Variants in UPK1B observed in about 807,000 individuals in gnomAD.
UPK1B encodes the protein uroplakin 1B.
A neutral mutation model predicts 34.2 loss-of-function variants in UPK1B; 28 were observed. The ratio of observed to expected loss-of-function variants is 0.82; its 90% CI spans 0.61 to 1.12. The LOEUF is 1.12. UPK1B is among the 50% of genes most tolerant of loss of function. UPK1B has a pLI of 0.00. For missense variants in UPK1B, 325 were observed against 320.9 expected (o/e 1.01, Z -0.10); for synonymous variants, 81 against 110.4 (o/e 0.73, Z 1.67).
intron 1 of UPK1B, among the ~76,000 whole-genome samples, chr3:119,185,729 G>A (rs574274653): frequency 6.6e-6 from 1 of 152,260 alleles, no homozygotes; most frequent in East Asian, 1.9e-4. Context: ...TTTACAGCAG[G>A]AATGCATGAA....
chr3:119,179,830 TTTTTTTTTTTTTG>T (rs2077981057), intron 1 of UPK1B, among the ~76,000 whole-genome samples: 4 of 118,562 alleles, frequency 3.4e-5, no homozygotes, highest in South Asian at 3.1e-4. Context: ...TTTTTTTTTT[TTTTTTTTTTTTTG>T]AGACGAGTGC....
At chr3:119,181,354 C>G (rs1055141100) in intron 1 of UPK1B, among the ~76,000 whole-genome samples, 6 of 152,156 alleles carry the variant, frequency 3.9e-5, no homozygotes, top group African/African-American at 1.4e-4. Context: ...GGTACCTTCA[C>G]CAACCACTGG....
At chr3:119,194,127 G>C (rs772149641) in intron 5 of UPK1B, 92 bp from the exon 6 acceptor site, 4 of 1,256,500 alleles carry the variant, frequency 3.2e-6, no homozygotes, top group East Asian at 2.5e-5. Context: ...TACACTTTCC[G>C]TATCTTCTTT....
intron 1 of UPK1B, among the ~76,000 whole-genome samples, chr3:119,179,257 G>T (rs563855277): frequency 6.7e-6 from 1 of 149,500 alleles, no homozygotes; most frequent in Non-Finnish European, 1.5e-5. Flanking sequence ...AGCCTAGGAA[G>T]TCAAGGCTGC....
At chr3:119,175,835 C>G (rs975783411) in intron 1 of UPK1B, among the ~76,000 whole-genome samples, 8 of 152,170 alleles carry the variant, frequency 5.3e-5, no homozygotes, top group Non-Finnish European at 1.2e-4. Context: ...CTGATTTTTA[C>G]TTTTATTTAA....
rs1280707591 is a variant in UPK1B at position 119,187,757 on chromosome 3, C to T, written c.70-18C>T. The T allele has an allele frequency of 6.2e-7, 1 of 1,612,916 alleles. No individual in the cohort carries two copies. The highest frequency in any genetic ancestry group is 2.2e-5 in the East Asian group (1 of 44,874). ...AAAGCTGCACTCCTGATGGAGCCCA[C>T]CTTTCATTTGCCCCCAGTGTTGCGG... is the stretch of plus-strand genomic sequence containing the variant. On this transcript the variant is annotated intron_variant, in intron 2 of 7. Coordinates refer to ENST00000264234, the MANE Select transcript of UPK1B (RefSeq NM_006952.4).
chr3:119,194,248 AG>A lies in UPK1B; in HGVS notation c.499del (p.Asp167ThrfsTer27), dbSNP rs1559903325. 1 of 1,614,046 alleles carries A rather than the reference AG, an allele frequency of 6.2e-7. No individual in the cohort carries two copies. On this transcript the variant is annotated frameshift_variant, in exon 6 of 8. Transcript: ENST00000264234. LOFTEE classifies it high-confidence loss of function. ...ATTGCTGTGGCGTAAATGGTCCATC[AG>A]ACTGGCAAAAATACACATCTGCCTT... ...DNCCGVNGPS[D>X]WQKYTSAFRT...
At chr3:119,178,848 C>T (rs2077971542) in intron 1 of UPK1B, among the ~76,000 whole-genome samples, 1 of 152,092 alleles carries the variant, frequency 6.6e-6, no homozygotes, top group South Asian at 2.1e-4. Flanking sequence ...CATGGAAGCA[C>T]TGTATGGAAT....
intron 1 of UPK1B, among the ~76,000 whole-genome samples, chr3:119,178,199 C>A (rs1307522082): frequency 1.3e-5 from 2 of 152,200 alleles, no homozygotes; most frequent in African/African-American, 4.8e-5. Context: ...GGTGGTCCAA[C>A]CACTCCTCCA....
intron 2 of UPK1B, among the ~76,000 whole-genome samples, 195 bp downstream of exon 2, chr3:119,187,005 T>C (rs554988637): frequency 3.3e-5 from 5 of 152,222 alleles, no homozygotes; most frequent in Non-Finnish European, 7.3e-5. Flanking sequence ...GTTGAAAAAG[T>C]AGATATTTTC....
chr3:119,188,861 G>A (rs892962180), intron 3 of UPK1B, among the ~76,000 whole-genome samples: 3 of 152,170 alleles, frequency 2.0e-5, no homozygotes, highest in African/African-American at 7.2e-5. Flanking sequence ...GCAATGTAAG[G>A]TGCTTGTTAG....
chr3:119,186,911 TG>T, intron 2 of UPK1B, 101 bp downstream of exon 2: 1 of 1,216,126 alleles, frequency 8.2e-7, no homozygotes, highest in Non-Finnish European at 1.2e-6. Context: ...CTGTGATTAC[TG>T]GCTTCCTATA....
At chr3:119,191,372 T>C (rs2078043495) in intron 5 of UPK1B, among the ~76,000 whole-genome samples, 1 of 152,202 alleles carries the variant, frequency 6.6e-6, no homozygotes, top group Non-Finnish European at 1.5e-5. Flanking sequence ...TGGGTACCTC[T>C]TCACAACTCC....
At chr3:119,177,014 C>T (rs74714234) in intron 1 of UPK1B, among the ~76,000 whole-genome samples, 7,311 of 152,162 alleles carry the variant, frequency 0.048, 230 homozygotes, top group Non-Finnish European at 0.051. Context: ...TGTCTTCCCT[C>T]GCCCTTTGAA....
intron 6 of UPK1B, among the ~76,000 whole-genome samples, chr3:119,196,828 G>A (rs917898959): frequency 2.0e-5 from 3 of 152,102 alleles, no homozygotes; most frequent in South Asian, 2.1e-4. Flanking sequence ...GTGAGCCACC[G>A]TGCCCAGCCT....
intron 3 of UPK1B, 80 bp from the exon 4 acceptor site, chr3:119,190,165 C>T (rs2078037525): frequency 8.9e-7 from 1 of 1,121,296 alleles, no homozygotes; most frequent in Non-Finnish European, 1.3e-6. Flanking sequence ...GATAAATTTG[C>T]TGAAAAAACA....
chr3:119,203,368 A>AAAAAAAC (rs2078102174), intron 7 of UPK1B, among the ~76,000 whole-genome samples: 1 of 146,234 alleles, frequency 6.8e-6, no homozygotes, highest in East Asian at 2.0e-4. Flanking sequence ...AAAAAAAAAA[A>AAAAAAAC]TCTGATATCT....
chr3:119,203,197 C>T lies in UPK1B; in HGVS notation c.733-720C>T, dbSNP rs180766439. ...CTCTACTAAAAATACAAAAATTAGC[C>T]GGGCATGGTGGCGCGTGCCTGTAGT... is the stretch of plus-strand genomic sequence containing the variant. On this transcript the variant is annotated intron_variant, in intron 7 of 7. Coordinates refer to ENST00000264234, the MANE Select transcript of UPK1B (RefSeq NM_006952.4). Among the ~76,000 whole-genome samples, 19 of 151,666 alleles carry T rather than the reference C, an allele frequency of 1.3e-4. No homozygotes were observed. The East Asian group carries it at 1.9e-3, about 16-fold the overall frequency.
chr3:119,193,403 C>T (rs1318029519), intron 5 of UPK1B, among the ~76,000 whole-genome samples: 1 of 152,114 alleles, frequency 6.6e-6, no homozygotes, highest in Non-Finnish European at 1.5e-5. Context: ...TTCCAAGATA[C>T]CCATGGTTTT....
Sources: gnomAD v4.1 joint callset for allele counts (sites outside exome capture counted in the v4.1 genomes callset) on GRCh38, gnomAD v4.1.1 for gene constraint, MANE v1.5 for transcripts, NCBI Gene and HGNC (gene_info 2026-07-23, HGNC 2026-07-21) for gene names.